The following PCCA variants were observed in gnomAD, a reference collection of about 807,000 sequenced individuals.
PCCA encodes propionyl-CoA carboxylase subunit alpha, also known as propionyl-CoA carboxylase alpha chain, mitochondrial.
In PCCA, 74 loss-of-function variants were observed where a neutral mutation model predicts 101.3. That is an observed-to-expected ratio of 0.73 (90% CI 0.61 to 0.89). The LOEUF (loss-of-function observed/expected upper bound fraction) is 0.89. PCCA is among the 40% of genes least tolerant of loss of function. PCCA has a pLI of 0.00. For missense variants in PCCA, 891 were observed against 907.0 expected (o/e 0.98, Z 0.23); for synonymous variants, 294 against 313.6 (o/e 0.94, Z 0.66).
intron 6 of PCCA, among the ~76,000 whole-genome samples, chr13:100,188,193 T>C (rs1221357655): frequency 6.6e-6 from 1 of 152,124 alleles, no homozygotes; most frequent in African/African-American, 2.4e-5. Flanking sequence ...CTTGGGAGGC[T>C]GAGGCAGGAG....
chr13:100,360,046 A>G (rs2074395710), intron 18 of PCCA, among the ~76,000 whole-genome samples: 1 of 152,212 alleles, frequency 6.6e-6, no homozygotes, highest in South Asian at 2.1e-4. Flanking sequence ...TTTACAAAAG[A>G]AAGAGGTTTA....
chr13:100,514,797 A>G (rs1404452833), intron 21 of PCCA, among the ~76,000 whole-genome samples: 2 of 152,184 alleles, frequency 1.3e-5, no homozygotes, highest in South Asian at 4.1e-4. Flanking sequence ...ATTATCTTGC[A>G]TCTTTTCCTA....
Position 100,512,882 on chromosome 13 carries a change from A to T in PCCA, c.1900-2545A>T, listed in dbSNP as rs74347799. Among the ~76,000 whole-genome samples the T allele has an allele frequency of 5.3e-3, 806 of 152,372 alleles. 9 individuals carry two copies. Among genetic ancestry groups the T allele is most frequent in the African/African-American group, 0.018 (753 of 41,584 alleles). On this transcript the variant is annotated intron_variant, in intron 21 of 23. Transcript: ENST00000376285. ...AAACCGAGCTTGTACCCCACGGTCC[A>T]GGTAGGGGCACATTCCTGAAGTCTC...
At chr13:100,489,484 G>C (rs2084718710) in intron 21 of PCCA, among the ~76,000 whole-genome samples, 1 of 152,202 alleles carries the variant, frequency 6.6e-6, no homozygotes, top group African/African-American at 2.4e-5. Context: ...TAGATGATTA[G>C]TCATAGGTAG....
intron 6 of PCCA, among the ~76,000 whole-genome samples, chr13:100,193,188 C>G (rs1483613189): frequency 6.6e-6 from 1 of 152,178 alleles, no homozygotes; most frequent in Non-Finnish European, 1.5e-5. Context: ...ATTGCAGATT[C>G]AAAACGCTGG....
At chr13:100,090,248 G>C (rs899567272) in intron 1 of PCCA, among the ~76,000 whole-genome samples, 2 of 152,222 alleles carry the variant, frequency 1.3e-5, no homozygotes, top group African/African-American at 4.8e-5. Flanking sequence ...ATGAGAGCTG[G>C]AGCTTATCGA....
chr13:100,261,557 G>A (rs1411351039), intron 9 of PCCA, among the ~76,000 whole-genome samples: 1 of 151,966 alleles, frequency 6.6e-6, no homozygotes, highest in Non-Finnish European at 1.5e-5. Flanking sequence ...GTACTGATGG[G>A]ATTTCATCAT....
intron 1 of PCCA, among the ~76,000 whole-genome samples, chr13:100,100,266 G>C (rs113716940): frequency 6.6e-6 from 1 of 152,122 alleles, no homozygotes; most frequent in Non-Finnish European, 1.5e-5. Context: ...CCATTTTCAG[G>C]CATTTCTTTT....
intron 21 of PCCA, among the ~76,000 whole-genome samples, chr13:100,496,952 C>A (rs2085321210): frequency 6.6e-6 from 1 of 152,194 alleles, no homozygotes; most frequent in Non-Finnish European, 1.5e-5. Context: ...AGCTTGAGTT[C>A]TAGGATGGAG....
chr13:100,403,225 C>A (rs1468089589), intron 19 of PCCA, among the ~76,000 whole-genome samples: 1 of 151,898 alleles, frequency 6.6e-6, no homozygotes, highest in Non-Finnish European at 1.5e-5. Flanking sequence ...AAGTTGAGAA[C>A]AAAATTTGGG....
chr13:100,180,421 G>A (rs982162890), intron 6 of PCCA, among the ~76,000 whole-genome samples: 1 of 152,004 alleles, frequency 6.6e-6, no homozygotes, highest in Admixed American at 6.6e-5. Flanking sequence ...TTGCCTATTG[G>A]GGTTAATCTA....
At chr13:100,301,704 G>T in intron 13 of PCCA, 101 bp downstream of exon 13, 1 of 1,294,160 alleles carries the variant, frequency 7.7e-7, no homozygotes, top group Non-Finnish European at 1.1e-6. Flanking sequence ...TTATAATGTT[G>T]CCAACTATTG....
intron 20 of PCCA, among the ~76,000 whole-genome samples, chr13:100,440,883 A>G (rs1015250458): frequency 6.6e-6 from 1 of 152,188 alleles, no homozygotes; most frequent in African/African-American, 2.4e-5. Context: ...TGACATATCA[A>G]TACAGCTACA....
rs1359615841 is a variant in PCCA at position 100,117,305 on chromosome 13, T to G, written c.300+5244T>G. On this transcript the variant is annotated intron_variant, in intron 4 of 23. Coordinates refer to ENST00000376285, the MANE Select transcript of PCCA (RefSeq NM_000282.4). ...AAATTAGAAAAGTAGTACCAGTATA[T>G]TGGTATCAGTTTACTGTTATATACC... Among the ~76,000 whole-genome samples, 5 of 152,220 alleles carry G rather than the reference T, an allele frequency of 3.3e-5. No individual in the cohort carries two copies. In the South Asian group the frequency reaches 1.0e-3, roughly 32 times the overall value.
chr13:100,148,785 G>A (rs2052917869), intron 4 of PCCA, among the ~76,000 whole-genome samples: 1 of 152,174 alleles, frequency 6.6e-6, no homozygotes, highest in African/African-American at 2.4e-5. Flanking sequence ...AATGAAAACA[G>A]GATTGTAGAA....
Position 100,102,963 on chromosome 13 carries a change from A to G in PCCA, c.183+3A>G. 8 of 1,543,600 alleles carry G rather than the reference A, an allele frequency of 5.2e-6. No homozygotes were observed. Among genetic ancestry groups the G allele is most frequent in the African/African-American group, 1.4e-5 (1 of 73,688 alleles). ...TGGGATATGATCCTAATGAAAAAGT[A>G]AGTATTTAAAAGATATTCTCAACAA... On this transcript the variant is annotated splice_donor_region_variant and intron_variant, in intron 2 of 23. Transcript: ENST00000376285.
intron 17 of PCCA, among the ~76,000 whole-genome samples, chr13:100,332,717 GA>G (rs1387093728): frequency 6.6e-6 from 1 of 152,140 alleles, no homozygotes; most frequent in Non-Finnish European, 1.5e-5. Flanking sequence ...CTTAAACCTA[GA>G]TATTGCAGTT....
intron 20 of PCCA, among the ~76,000 whole-genome samples, chr13:100,434,512 G>A (rs1221420731): frequency 2.0e-5 from 3 of 152,138 alleles, no homozygotes; most frequent in African/African-American, 7.2e-5. Context: ...CTTGGGGCAT[G>A]GCAGATGTCC....
chr13:100,221,453 A>G (rs1172580675), intron 7 of PCCA, among the ~76,000 whole-genome samples: 1 of 152,078 alleles, frequency 6.6e-6, no homozygotes, highest in African/African-American at 2.4e-5. Flanking sequence ...TCAACAGGTT[A>G]TTTTGGTTAT....
Sources: allele counts gnomAD v4.1 joint callset (sites outside exome capture counted in the v4.1 genomes callset), GRCh38; gene constraint gnomAD v4.1.1; transcripts MANE v1.5; gene names NCBI Gene and HGNC (gene_info 2026-07-23, HGNC 2026-07-21).